The following IFT81 variants were observed in gnomAD, a reference collection of about 807,000 sequenced individuals.
IFT81 encodes intraflagellar transport protein 81 homolog.
IFT81 carries 72 observed loss-of-function variants against 102.6 expected under a neutral mutation model. The observed-to-expected ratio is 0.70, with a 90% CI of 0.58 to 0.85. IFT81 has a LOEUF of 0.85. Ranked by LOEUF, IFT81 falls within the 40% of genes least tolerant of loss-of-function variation. IFT81 has a pLI of 0.00. For missense variants in IFT81, 723 were observed against 787.3 expected, an observed-to-expected ratio of 0.92 and a Z score of 0.98; for synonymous variants, 237 against 242.7, an observed-to-expected ratio of 0.98 and a Z score of 0.22.
intron 8 of IFT81, among the ~76,000 whole-genome samples, chr12:110,139,124 C>T (rs1051459375): frequency 1.3e-5 from 2 of 151,692 alleles, no homozygotes; most frequent in African/African-American, 4.8e-5. Context: ...TCACTTGATC[C>T]CAGGAGTTCA....
At chr12:110,132,968 CTCT>C in intron 5 of IFT81, among the ~76,000 whole-genome samples, 1 of 133,226 alleles carries the variant, frequency 7.5e-6, no homozygotes, top group African/African-American at 3.2e-5. Context: ...AGCTTTCTCT[CTCT>C]TTTTTTTTTT....
Position 110,177,759 on chromosome 12 carries a change from C to T in IFT81, c.1189-2663C>T, listed in dbSNP as rs547748502. Among the ~76,000 whole-genome samples, 106 of 152,270 alleles carry T rather than the reference C, an allele frequency of 7.0e-4. 1 individual carries two copies. In the South Asian group the frequency reaches 0.01, roughly 15 times the overall value. ...AGATGGTGTACTTTCTATTTCACTA[C>T]TTTATAATTTAGAATTATTAACCTT... On this transcript the variant is annotated intron_variant, in intron 11 of 18. Coordinates refer to ENST00000242591, the MANE Select transcript of IFT81 (RefSeq NM_014055.4).
At chr12:110,169,097 C>G in intron 11 of IFT81, 1 of 147,528 alleles carries the variant, frequency 6.8e-6, no homozygotes. Context: ...CTCTCTCTTT[C>G]TTTCTTTCTT....
chr12:110,127,113 A>ATGAT (rs1893891380), intron 1 of IFT81, among the ~76,000 whole-genome samples: 1 of 152,228 alleles, frequency 6.6e-6, no homozygotes, highest in Non-Finnish European at 1.5e-5. Context: ...ATTAACTCAG[A>ATGAT]TGATTACTGT....
At chr12:110,135,232 A>C (rs1459389170) in intron 6 of IFT81, 95 bp from the exon 7 acceptor site, 3 of 823,138 alleles carry the variant, frequency 3.6e-6, no homozygotes, top group Non-Finnish European at 5.9e-6. Context: ...CTGTTTACCA[A>C]AAGGAAATGA....
intron 18 of IFT81, among the ~76,000 whole-genome samples, chr12:110,214,104 G>A (rs999108302): frequency 1.3e-4 from 20 of 152,216 alleles, no homozygotes; most frequent in African/African-American, 4.6e-4. Flanking sequence ...TGAATTCTGT[G>A]TACCTTATTT....
intron 17 of IFT81, among the ~76,000 whole-genome samples, chr12:110,207,653 C>G (rs934845425): frequency 1.3e-5 from 2 of 149,406 alleles, no homozygotes; most frequent in South Asian, 2.1e-4. Flanking sequence ...ACCTCCGCCT[C>G]CTGGGTTCAC....
intron 11 of IFT81, chr12:110,168,400 A>G: frequency 2.2e-6 from 1 of 456,224 alleles, no homozygotes; most frequent in Non-Finnish European, 2.9e-6. Flanking sequence ...GCTTAAACAA[A>G]ATGCCATTAA....
chr12:110,183,496 A>G (rs1897393370), intron 12 of IFT81, among the ~76,000 whole-genome samples: 1 of 152,208 alleles, frequency 6.6e-6, no homozygotes, highest in Non-Finnish European at 1.5e-5. Context: ...CGTAACTTCC[A>G]TCTCTACCAA....
At chr12:110,211,162 C>G (rs1291332903) in intron 18 of IFT81, among the ~76,000 whole-genome samples, 1 of 145,442 alleles carries the variant, frequency 6.9e-6, no homozygotes, top group African/African-American at 2.5e-5. Flanking sequence ...ACCTGGACTT[C>G]GTATTAGGCT....
In IFT81 at chr12:110,203,945, G is replaced by C; in HGVS notation, c.1639G>C (p.Glu547Gln). ...AGLESNRSKLEQEVRRLREEC... is the reference protein window; with the variant it reads ...AGLESNRSKLQQEVRRLREEC... Reference sequence around the variant, plus strand: ...CCTCGAAAGCAATCGGTCCAAATTAGAACAGGTAAGAAGAGAGTTTTTATT... The same window carrying C: ...CCTCGAAAGCAATCGGTCCAAATTACAACAGGTAAGAAGAGAGTTTTTATT... The change falls in exon 15 of 19, where the codon GAA (glutamate) becomes CAA (glutamine). Residue 547 changes from glutamate (E) to glutamine (Q), a missense_variant. By Grantham distance (29) the Glu-to-Gln change is conservative (BLOSUM62 2). Transcript: ENST00000242591. 1 of 1,605,770 alleles carries C rather than the reference G, an allele frequency of 6.2e-7. No homozygotes were observed. The highest frequency in any genetic ancestry group is 8.5e-7 in the Non-Finnish European group (1 of 1,173,708).
chr12:110,142,576 A>G (rs1330150238), intron 8 of IFT81, among the ~76,000 whole-genome samples: 1 of 152,118 alleles, frequency 6.6e-6, no homozygotes, highest in Non-Finnish European at 1.5e-5. Flanking sequence ...TAATAGAAAT[A>G]TAAATTGTTC....
At chr12:110,204,881 G>C (rs905767026) in intron 15 of IFT81, 1 of 152,432 alleles carries the variant, frequency 6.6e-6, no homozygotes, top group Admixed American at 6.5e-5. Flanking sequence ...GAACCTGCCT[G>C]TTCACTTCTG....
intron 14 of IFT81, among the ~76,000 whole-genome samples, chr12:110,198,280 C>G (rs889219213): frequency 7.6e-5 from 11 of 145,542 alleles, no homozygotes; most frequent in Non-Finnish European, 1.4e-4. Context: ...TTTTTTTTTT[C>G]TTCTTTTAAA....
At chr12:110,172,184 C>A (rs1896765945) in intron 11 of IFT81, 3 of 152,520 alleles carry the variant, frequency 2.0e-5, no homozygotes, top group Admixed American at 1.3e-4. Flanking sequence ...AATCCCAGCA[C>A]TTTGGGAGGC....
intron 10 of IFT81, among the ~76,000 whole-genome samples, chr12:110,148,003 A>G (rs1329074936): frequency 6.6e-6 from 1 of 152,190 alleles, no homozygotes; most frequent in African/African-American, 2.4e-5. Flanking sequence ...ATTAAGATCC[A>G]TATAGGATTC....
chr12:110,136,754 T>A, intron 7 of IFT81, 22 bp from the exon 8 acceptor site: 1 of 1,485,900 alleles, frequency 6.7e-7, no homozygotes, highest in Non-Finnish European at 9.3e-7. Context: ...AAGCAAGTAA[T>A]CTATTTAATT....
At chr12:110,216,907 C>A in intron 18 of IFT81, 1 of 194,224 alleles carries the variant, frequency 5.1e-6, no homozygotes, top group Non-Finnish European at 1.1e-5. Flanking sequence ...CTGTTGGTTT[C>A]TTGAGAAATT....
chr12:110,203,764 AGAGTT>A lies in IFT81; in HGVS notation c.1558-99_1558-95del. ...AACTCTTAAGTATGCCAAGAAGCTT[AGAGTT>A]AAGTTACAAGACTGACAAGGGCATG... is the stretch of plus-strand genomic sequence containing the variant. On this transcript the variant is annotated intron_variant, in intron 14 of 18. Transcript: ENST00000242591. The A allele has an allele frequency of 5.3e-6, 4 of 754,146 alleles. No homozygotes were observed. In the Admixed American group the frequency reaches 8.5e-5, roughly 16 times the overall value. 46.7% of individuals were successfully genotyped at this position (754,146 alleles called of 1,614,324 possible). A position where few individuals can be genotyped will look rare whatever the true frequency, so the allele number is the denominator to read the frequency against.
Sources: allele counts gnomAD v4.1 joint callset (sites outside exome capture counted in the v4.1 genomes callset), GRCh38; gene constraint gnomAD v4.1.1; transcripts MANE v1.5; gene names NCBI Gene and HGNC (gene_info 2026-07-23, HGNC 2026-07-21).